The following ARHGAP10 variants were observed in gnomAD, a reference collection of about 807,000 sequenced individuals.
The protein encoded by ARHGAP10 is rho GTPase-activating protein 10.
Under a neutral mutation model 108.6 loss-of-function variants are expected in ARHGAP10, and 87 were observed. The observed-to-expected ratio is 0.80, with a 90% CI of 0.67 to 0.96. The LOEUF (loss-of-function observed/expected upper bound fraction) is 0.96, where lower values mean the gene tolerates loss of function less well. ARHGAP10 is among the 40% of genes least tolerant of loss of function. The probability of loss-of-function intolerance (pLI) is 0.00; values close to 1 mark genes in which losing one functional copy is unlikely to be tolerated. For missense variants in ARHGAP10, 939 were observed against 954.5 expected (o/e 0.98, Z 0.21); for synonymous variants, 347 against 341.1 (o/e 1.02, Z -0.19).
chr4:147,787,049 C>T (rs1396291264), intron 1 of ARHGAP10, among the ~76,000 whole-genome samples: 1 of 152,110 alleles, frequency 6.6e-6, no homozygotes, highest in East Asian at 1.9e-4. Context: ...TGTGAAGGGA[C>T]CTGGAGTGCT....
chr4:147,849,842 T>C (rs1477667634), intron 4 of ARHGAP10, among the ~76,000 whole-genome samples: 1 of 152,256 alleles, frequency 6.6e-6, no homozygotes, highest in East Asian at 1.9e-4. Context: ...GGTTTGGACG[T>C]ATCCCTCCAT....
intron 1 of ARHGAP10, among the ~76,000 whole-genome samples, chr4:147,783,704 A>G (rs1056696212): frequency 2.0e-5 from 3 of 147,002 alleles, no homozygotes; most frequent in Non-Finnish European, 4.5e-5. Flanking sequence ...TAAATTATGT[A>G]TTGTATAATT....
intron 3 of ARHGAP10, among the ~76,000 whole-genome samples, chr4:147,836,339 A>G (rs779802433): frequency 6.6e-6 from 1 of 152,214 alleles, no homozygotes; most frequent in Non-Finnish European, 1.5e-5. Context: ...CCTCTTTAAT[A>G]GGACTAGGTT....
At chr4:147,818,143 T>A (rs955590549) in intron 1 of ARHGAP10, among the ~76,000 whole-genome samples, 27 of 150,996 alleles carry the variant, frequency 1.8e-4, no homozygotes, top group Non-Finnish European at 3.7e-4. Context: ...TCTGAACCTA[T>A]TTTTTTTTCT....
chr4:147,771,106 G>T (rs1730058779), intron 1 of ARHGAP10, among the ~76,000 whole-genome samples: 7 of 152,096 alleles, frequency 4.6e-5, no homozygotes, highest in Admixed American at 3.3e-4. Flanking sequence ...CACTTTGGGA[G>T]GCCCAGGTTG....
intron 16 of ARHGAP10, among the ~76,000 whole-genome samples, chr4:147,957,899 G>A (rs1738849217): frequency 6.6e-6 from 1 of 152,098 alleles, no homozygotes; most frequent in Non-Finnish European, 1.5e-5. Flanking sequence ...ACTTTTAAAG[G>A]TTGACTGCAT....
rs1054980890 is a variant in ARHGAP10 at position 148,024,204 on chromosome 4, G to A, written c.1867+791G>A. 2.0e-5 allele frequency among the ~76,000 whole-genome samples: 3 copies of A among 152,338 alleles called. No homozygotes were observed. The East Asian group carries it at 5.8e-4, about 29-fold the overall frequency. On this transcript the variant is annotated intron_variant, in intron 19 of 22. Coordinates refer to ENST00000336498, the MANE Select transcript of ARHGAP10 (RefSeq NM_024605.4). ...TCCAAACCTGCGTTTTCAGTATGCA[G>A]CCTGAAGCTGTGACTCGTGTTGTGA...
intron 19 of ARHGAP10, among the ~76,000 whole-genome samples, chr4:148,030,050 T>C (rs1375787867): frequency 6.6e-6 from 1 of 151,576 alleles, no homozygotes; most frequent in Non-Finnish European, 1.5e-5. Context: ...CTTCTTCTAT[T>C]GCTTCCTATG....
intron 3 of ARHGAP10, among the ~76,000 whole-genome samples, chr4:147,829,055 ATTT>A (rs70958587): frequency 3.7e-5 from 5 of 136,406 alleles, no homozygotes; most frequent in Non-Finnish European, 1.6e-5. Flanking sequence ...ATTTTTTTGT[ATTT>A]TTTTTTTTTT....
At chr4:148,015,766 C>T (rs1741322787) in intron 18 of ARHGAP10, among the ~76,000 whole-genome samples, 1 of 152,206 alleles carries the variant, frequency 6.6e-6, no homozygotes, top group African/African-American at 2.4e-5. Flanking sequence ...CCTGTAGACT[C>T]CAAAGCTCAA....
intron 1 of ARHGAP10, among the ~76,000 whole-genome samples, chr4:147,741,800 A>ACGCG (rs139305144): frequency 7.2e-5 from 10 of 138,976 alleles, no homozygotes; most frequent in Admixed American, 2.1e-4. Flanking sequence ...ACGCACACAC[A>ACGCG]CACACACACA....
At chr4:147,960,832 T>C (rs1304273110) in intron 16 of ARHGAP10, among the ~76,000 whole-genome samples, 1 of 152,222 alleles carries the variant, frequency 6.6e-6, no homozygotes, top group Non-Finnish European at 1.5e-5. Context: ...AATCAGAGTA[T>C]ATTCTTCTGT....
At chr4:147,805,947 C>T (rs1381208254) in intron 1 of ARHGAP10, among the ~76,000 whole-genome samples, 2 of 152,182 alleles carry the variant, frequency 1.3e-5, no homozygotes, top group African/African-American at 4.8e-5. Flanking sequence ...AGATTATTTA[C>T]TCTCCAACCC....
At chr4:147,868,869 C>G (rs1254238475) in intron 7 of ARHGAP10, among the ~76,000 whole-genome samples, 2 of 152,150 alleles carry the variant, frequency 1.3e-5, no homozygotes, top group Non-Finnish European at 2.9e-5. Flanking sequence ...TGCCGCTCAC[C>G]TCCTGCCATG....
chr4:147,833,527 T>A (rs1733038082), intron 3 of ARHGAP10, among the ~76,000 whole-genome samples: 1 of 152,152 alleles, frequency 6.6e-6, no homozygotes, highest in African/African-American at 2.4e-5. Flanking sequence ...AACAGACTAA[T>A]TCATGTGGGA....
intron 4 of ARHGAP10, among the ~76,000 whole-genome samples, chr4:147,853,433 C>T (rs2126826613): frequency 6.6e-6 from 1 of 152,288 alleles, no homozygotes; most frequent in Non-Finnish European, 1.5e-5. Flanking sequence ...CCTTTTCCAT[C>T]TCCTCATCCT....
intron 16 of ARHGAP10, among the ~76,000 whole-genome samples, chr4:147,958,912 A>T (rs983916595): frequency 6.6e-6 from 1 of 152,192 alleles, no homozygotes; most frequent in Admixed American, 6.5e-5. Context: ...GCTGATTTGT[A>T]GTTACACAAT....
At chr4:148,056,569 G>A (rs1229014227) in intron 20 of ARHGAP10, among the ~76,000 whole-genome samples, 2 of 81,048 alleles carry the variant, frequency 2.5e-5, no homozygotes, top group Admixed American at 1.9e-4. Context: ...CCCCACCTCC[G>A]GCTCTTAGCA....
intron 18 of ARHGAP10, among the ~76,000 whole-genome samples, chr4:147,985,425 C>T (rs1033175108): frequency 1.3e-5 from 2 of 152,174 alleles, no homozygotes; most frequent in Non-Finnish European, 2.9e-5. Flanking sequence ...CACATGCAAA[C>T]CAGTTCCAGG....
Sources: gnomAD v4.1 joint callset for allele counts (sites outside exome capture counted in the v4.1 genomes callset) on GRCh38, gnomAD v4.1.1 for gene constraint, MANE v1.5 for transcripts, NCBI Gene and HGNC (gene_info 2026-07-23, HGNC 2026-07-21) for gene names.